Variants in F8 observed in about 807,000 individuals in gnomAD.
F8 encodes the protein coagulation factor VIII.
F8 carries 12 observed loss-of-function variants against 140.6 expected under a neutral mutation model. The ratio of observed to expected loss-of-function variants is 0.09; its 90% confidence interval spans 0.05 to 0.14. The LOEUF (loss-of-function observed/expected upper bound fraction) is 0.14. Among genes scored for constraint, F8 ranks in the 10% least tolerant of loss-of-function variants. F8 has a pLI of 1.00. For synonymous variants in F8, 585 were observed against 614.6 expected (o/e 0.95, Z 0.71); for missense variants, 1,354 against 1,720.7 (o/e 0.79, Z 3.77).
chrX:154,861,902 C>T, intron 23 of F8, 36 bp from the exon 24 acceptor site: 1 of 1,201,383 alleles, frequency 8.3e-7, no homozygotes, highest in Non-Finnish European at 1.1e-6. Flanking sequence ...ATCACAAGGA[C>T]ATGCTTCAGC....
At chrX:154,987,056 C>T (rs2073562420) in intron 5 of F8, among the ~76,000 whole-genome samples, 181 bp downstream of exon 5, 2 of 112,077 alleles carry the variant, frequency 1.8e-5, no homozygotes, top group Admixed American at 9.4e-5. Flanking sequence ...CCTCTATCTT[C>T]TTACCTCATA....
intron 25 of F8, among the ~76,000 whole-genome samples, chrX:154,856,542 A>C (rs1465674432): frequency 8.9e-6 from 1 of 112,296 alleles, no homozygotes; most frequent in Non-Finnish European, 1.9e-5. Flanking sequence ...AATGCCTACC[A>C]AATTCTTGAA....
At chrX:154,903,864 C>T in intron 18 of F8, 42 bp downstream of exon 18, 1 of 1,140,421 alleles carries the variant, frequency 8.8e-7, no homozygotes, top group Non-Finnish European at 1.2e-6. Context: ...AAGTACTCAA[C>T]AAATAGAGTA....
At chrX:154,859,976 T>C (rs2072677490) in intron 25 of F8, among the ~76,000 whole-genome samples, 1 of 111,391 alleles carries the variant, frequency 9.0e-6, no homozygotes, top group African/African-American at 3.3e-5. Flanking sequence ...ATTAGAGAGA[T>C]TGGTAAGGAC....
Position 154,848,423 on chromosome X carries a change from G to A in F8, c.6901-10671C>T, listed in dbSNP as rs185632460. ...AGGCAGGCAGGCCTCCTTGAGCTGC[G>A]GTGGGCTCCACCAAGTTCGAGCTTC... is the stretch of plus-strand genomic sequence containing the variant. On this transcript the variant is annotated intron_variant, in intron 25 of 25. Coordinates refer to ENST00000360256, the MANE Select transcript of F8 (RefSeq NM_000132.4). 8.4e-3 allele frequency among the ~76,000 whole-genome samples: 949 copies of A among 112,905 alleles called. 10 individuals carry two copies. Among genetic ancestry groups the A allele is most frequent in the African/African-American group, 0.029 (894 of 31,143 alleles).
At chrX:154,867,235 G>T (rs1359970225) in intron 22 of F8, among the ~76,000 whole-genome samples, 2 of 111,974 alleles carry the variant, frequency 1.8e-5, no homozygotes, top group African/African-American at 6.5e-5. Context: ...AGGACCAATG[G>T]CTTCATGGAT....
Position 154,966,117 on chromosome X carries a change from G to T in F8, c.1296C>A (p.Asn432Lys). 8.3e-7 allele frequency: 1 copy of T among 1,210,082 alleles called. No individual in the cohort carries two copies. Residue 432 changes from asparagine to lysine, a missense_variant, in exon 9 of 26, where the codon AAC (asparagine) becomes AAA (lysine). Physicochemically the swap from Asn to Lys is moderately conservative, Grantham distance 94. Around this residue, in one of 4 missense-constraint regions of F8, gnomAD observed 252 missense variants for 338.5 expected, o/e 0.74. Transcript: ENST00000360256. ...DDRSYKSQYL[N>K]NGPQRIGRKY... ...TCCTACCAATCCGCTGAGGGCCATTGTTCAAATATTGACTTTTATAACTTC... is the reference window on the plus strand; with the variant it reads ...TCCTACCAATCCGCTGAGGGCCATTTTTCAAATATTGACTTTTATAACTTC...
Position 154,892,942 on chromosome X carries a change from C to G in F8, c.6429+3135G>C, listed in dbSNP as rs190939282. 2.7e-5 allele frequency among the ~76,000 whole-genome samples: 3 copies of G among 111,839 alleles called. No individual in the cohort carries two copies. In the Admixed American group the frequency reaches 2.8e-4, roughly 11 times the overall value. On this transcript the variant is annotated intron_variant, in intron 22 of 25. Coordinates refer to ENST00000360256, the MANE Select transcript of F8 (RefSeq NM_000132.4). Reference sequence around the variant, plus strand: ...GACCTTCAGACTGATAGAACAGACTCTTTAAGTCTGATAAGAAACATTTAC... The same window carrying G: ...GACCTTCAGACTGATAGAACAGACTGTTTAAGTCTGATAAGAAACATTTAC...
chrX:154,940,980 C>G (rs1557279685), intron 13 of F8, among the ~76,000 whole-genome samples: 6 of 111,614 alleles, frequency 5.4e-5, no homozygotes, highest in Non-Finnish European at 1.1e-4. Flanking sequence ...GATTTTGTCA[C>G]CACCAGGCCT....
At chrX:155,012,285 C>T (rs782084171) in intron 1 of F8, among the ~76,000 whole-genome samples, 1 of 112,193 alleles carries the variant, frequency 8.9e-6, no homozygotes, top group East Asian at 2.8e-4. Context: ...GAACTTTATA[C>T]TATTAAATTC....
At chrX:154,854,579 G>A (rs1172009500) in intron 25 of F8, among the ~76,000 whole-genome samples, 1 of 96,277 alleles carries the variant, frequency 1.0e-5, no homozygotes, top group Non-Finnish European at 2.1e-5. Flanking sequence ...ATAATCACAT[G>A]AGCTAATTCC....
Position 154,922,558 on chromosome X carries a change from A to G in F8, c.5219+6013T>C, listed in dbSNP as rs782644549. On this transcript the variant is annotated intron_variant, in intron 14 of 25. Coordinates refer to ENST00000360256, the MANE Select transcript of F8 (RefSeq NM_000132.4). ...ATTTCAGGCACTGTTAAGTGCATTG[A>G]AAAAAAATGGTGGGAGCAATATTTA... Among the ~76,000 whole-genome samples, 7 of 111,963 alleles carry G rather than the reference A, an allele frequency of 6.3e-5. No individual in the cohort carries two copies. The Admixed American group carries it at 6.7e-4, about 11-fold the overall frequency.
At position 154,903,296 on chromosome X, in the gene F8, C is replaced by T. The variant is rs1461950028; in HGVS notation, c.5998+610G>A. On this transcript the variant is annotated intron_variant, in intron 18 of 25. Transcript: ENST00000360256. Reference sequence around the variant, plus strand: ...GCTCAAGCAATCCTTCCACTTCAGCCACCCAAGTAGGTGAAGTAGCTGGGA... The same window carrying T: ...GCTCAAGCAATCCTTCCACTTCAGCTACCCAAGTAGGTGAAGTAGCTGGGA... Among the ~76,000 whole-genome samples the T allele has an allele frequency of 1.8e-5, 2 of 110,708 alleles. 1 individual carries two copies. Among genetic ancestry groups the T allele is most frequent in the Non-Finnish European group, 3.8e-5 (2 of 52,878 alleles).
intron 4 of F8, among the ~76,000 whole-genome samples, chrX:154,990,845 G>A (rs1000457282): frequency 9.0e-6 from 1 of 111,643 alleles, no homozygotes. Context: ...GGTTGGGGGT[G>A]AATCCAGGAG....
chrX:154,904,754 C>A, intron 16 of F8, 57 bp downstream of exon 16: 1 of 1,050,755 alleles, frequency 9.5e-7, no homozygotes, highest in Non-Finnish European at 1.3e-6. Flanking sequence ...ATTCTTAGTA[C>A]ACAAAGACCA....
chrX:154,962,646 G>A (rs782089761), intron 9 of F8, among the ~76,000 whole-genome samples: 1 of 111,520 alleles, frequency 9.0e-6, no homozygotes, highest in East Asian at 2.8e-4. Context: ...CAGGAGGATC[G>A]TTTGAGCCCA....
chrX:154,982,928 A>C (rs1464751769), intron 6 of F8, among the ~76,000 whole-genome samples: 1 of 112,550 alleles, frequency 8.9e-6, no homozygotes, highest in Non-Finnish European at 1.9e-5. Flanking sequence ...CATATAATAC[A>C]TACACAAAAT....
At chrX:154,888,380 A>ATTTTTTTTTTTT (rs782710109) in intron 22 of F8, among the ~76,000 whole-genome samples, 47 of 22,134 alleles carry the variant, frequency 2.1e-3, no homozygotes, top group Non-Finnish European at 2.6e-3. Context: ...TGTAATAGGG[A>ATTTTTTTTTTTT]TTTTTTTTTT....
At chrX:154,964,124 C>A in intron 9 of F8, among the ~76,000 whole-genome samples, 1 of 110,871 alleles carries the variant, frequency 9.0e-6, no homozygotes, top group Non-Finnish European at 1.9e-5. Context: ...TACATGTATG[C>A]ACTACTTCTG....
Sources: allele counts gnomAD v4.1 joint callset (sites outside exome capture counted in the v4.1 genomes callset), GRCh38; gene constraint gnomAD v4.1.1; regional missense constraint gnomAD v4.1.1; transcripts MANE v1.5; gene names NCBI Gene and HGNC (gene_info 2026-07-23, HGNC 2026-07-21).